Variants in NEDD4L observed in about 807,000 individuals in gnomAD.
The protein encoded by NEDD4L is NEDD4 like E3 ubiquitin protein ligase.
Under a neutral mutation model 148.9 loss-of-function variants are expected in NEDD4L, and 54 were observed. The ratio of observed to expected loss-of-function variants is 0.36; its 90% confidence interval spans 0.29 to 0.45. NEDD4L has a LOEUF of 0.45. Among genes scored for constraint, NEDD4L ranks in the 20% least tolerant of loss-of-function variants. The probability of loss-of-function intolerance (pLI) is 1.00; values close to 1 mark genes in which losing one functional copy is unlikely to be tolerated. For synonymous variants in NEDD4L, 433 were observed against 440.7 expected (o/e 0.98, Z 0.22); for missense variants, 856 against 1,233.8 (o/e 0.69, Z 4.59).
At chr18:58,077,877 G>C (rs2145038053) in intron 1 of NEDD4L, among the ~76,000 whole-genome samples, 1 of 152,258 alleles carries the variant, frequency 6.6e-6, no homozygotes, top group East Asian at 1.9e-4. Flanking sequence ...GTCTGGGATG[G>C]TTTGGTTATC....
intron 1 of NEDD4L, among the ~76,000 whole-genome samples, chr18:58,143,986 G>T (rs997321837): frequency 6.6e-6 from 1 of 152,066 alleles, no homozygotes; most frequent in Admixed American, 6.6e-5. Context: ...AACAGCAGGT[G>T]GTTCAGTTAG....
intron 2 of NEDD4L, among the ~76,000 whole-genome samples, chr18:58,178,948 A>G (rs767178174): frequency 3.9e-5 from 6 of 152,178 alleles, no homozygotes; most frequent in African/African-American, 1.2e-4. Context: ...TGGTAGAAAA[A>G]TCAAACTAGG....
chr18:58,083,423 C>T (rs1568191563), intron 1 of NEDD4L, among the ~76,000 whole-genome samples: 1 of 152,178 alleles, frequency 6.6e-6, no homozygotes, highest in African/African-American at 2.4e-5. Flanking sequence ...TGCGGTGGCT[C>T]ACGCCTGTAA....
chr18:58,117,865 C>T (rs117581332), intron 1 of NEDD4L, among the ~76,000 whole-genome samples: 3 of 152,282 alleles, frequency 2.0e-5, no homozygotes, highest in East Asian at 1.9e-4. Flanking sequence ...GAATGTTTCC[C>T]GTCTTCCTCG....
chr18:58,225,335 A>G (rs533331862), intron 2 of NEDD4L, among the ~76,000 whole-genome samples: 61 of 152,354 alleles, frequency 4.0e-4, no homozygotes, highest in Non-Finnish European at 7.9e-4. Flanking sequence ...GGTTAGGGAA[A>G]AAACCCCAGA....
rs377439399 is a variant in NEDD4L, at chr18:58,217,722, T to C, written c.123-27705T>C. Among the ~76,000 whole-genome samples, 6 of 152,316 alleles carry C rather than the reference T, an allele frequency of 3.9e-5. No individual in the cohort carries two copies. The East Asian group carries it at 1.2e-3, about 29-fold the overall frequency. The stretch of plus-strand genomic sequence containing the variant: ...GAAAAGATAAAACATAAAGCATTGA[T>C]CTACCTGTAGAGCCAAATAGCCACA... On this transcript the variant is annotated intron_variant, in intron 2 of 30. Coordinates refer to ENST00000400345, the MANE Select transcript of NEDD4L (RefSeq NM_001144967.3).
intron 6 of NEDD4L, among the ~76,000 whole-genome samples, chr18:58,321,065 A>G (rs1468469734): frequency 6.6e-6 from 1 of 152,232 alleles, no homozygotes; most frequent in East Asian, 1.9e-4. Flanking sequence ...TGCTTACGTG[A>G]GTACCTACTT....
chr18:58,078,689 C>T (rs2083290539), intron 1 of NEDD4L, among the ~76,000 whole-genome samples: 1 of 152,154 alleles, frequency 6.6e-6, no homozygotes, highest in South Asian at 2.1e-4. Flanking sequence ...AGAAAGCTTA[C>T]AGAAATAAAG....
intron 1 of NEDD4L, chr18:58,045,772 C>A (rs1412496082): frequency 1.3e-5 from 2 of 152,210 alleles, no homozygotes; most frequent in Non-Finnish European, 2.9e-5. Context: ...ACCCAAGAAG[C>A]ATTACTCAGC....
In NEDD4L at chr18:58,256,267, G is replaced by C. The variant is rs2048545810; in HGVS notation, c.297+4213G>C. ...TGCGCCAGGTGAGGCTGCTGCCCCTGGGCCCCGATGGCCAGGGCGGCCCGG... is the reference window on the plus strand; with the variant it reads ...TGCGCCAGGTGAGGCTGCTGCCCCTCGGCCCCGATGGCCAGGGCGGCCCGG... On this transcript the variant is annotated intron_variant, in intron 5 of 30. Coordinates refer to ENST00000400345, the MANE Select transcript of NEDD4L (RefSeq NM_001144967.3). The surrounding 1 kb of genome is among the most constrained non-coding windows in gnomAD (Gnocchi z 5.2). The C allele has an allele frequency of 5.1e-5, 63 of 1,231,108 alleles. No homozygotes were observed. The highest frequency in any genetic ancestry group is 6.4e-5 in the Non-Finnish European group (63 of 987,546). The allele number at this position is 1,231,108 out of a possible 1,614,324, so 76.3% of individuals were successfully genotyped here. A position where few individuals can be genotyped will look rare whatever the true frequency, so the allele number is the denominator to read the frequency against.
intron 1 of NEDD4L, among the ~76,000 whole-genome samples, chr18:58,152,563 G>A (rs973335064): frequency 4.6e-5 from 7 of 152,180 alleles, no homozygotes; most frequent in African/African-American, 1.4e-4. Flanking sequence ...CTTTCATTCC[G>A]TGATACTTGT....
intron 25 of NEDD4L, among the ~76,000 whole-genome samples, chr18:58,385,212 ACATTTTAAAGCAGTTAAAGCATTTAAAG>A (rs2048848005): frequency 1.3e-5 from 2 of 152,186 alleles, no homozygotes; most frequent in South Asian, 4.1e-4. Context: ...CCATGTTGTC[ACATTTTAAAGCAGTTAAAGCATTTAAAG>A]CATTTTAAAG....
chr18:58,376,852 C>G (rs569662403), intron 24 of NEDD4L, among the ~76,000 whole-genome samples: 221 of 152,306 alleles, frequency 1.5e-3, no homozygotes, highest in Middle Eastern at 6.8e-3. Context: ...AATCACAGGC[C>G]CCACTGGGCT....
At chr18:58,130,704 C>T (rs1294660001) in intron 1 of NEDD4L, among the ~76,000 whole-genome samples, 4 of 106,276 alleles carry the variant, frequency 3.8e-5, no homozygotes, top group South Asian at 6.9e-4. Context: ...TGGGGTTTGG[C>T]TGTGATCTAG....
intron 1 of NEDD4L, among the ~76,000 whole-genome samples, chr18:58,123,299 G>A (rs1056564223): frequency 3.9e-5 from 6 of 152,174 alleles, no homozygotes; most frequent in Admixed American, 1.3e-4. Flanking sequence ...TTTAGATCTC[G>A]TCCAGGTTAG....
At chr18:58,375,000 C>T (rs974935009) in intron 24 of NEDD4L, among the ~76,000 whole-genome samples, 2 of 152,172 alleles carry the variant, frequency 1.3e-5, no homozygotes, top group African/African-American at 2.4e-5. Context: ...GAGAGGCTCA[C>T]GGGTCCCAGT....
At chr18:58,083,602 G>A (rs1218676517) in intron 1 of NEDD4L, among the ~76,000 whole-genome samples, 1 of 152,150 alleles carries the variant, frequency 6.6e-6, no homozygotes, top group East Asian at 1.9e-4. Context: ...GCAGGAGAAT[G>A]GCATGAACTC....
chr18:58,388,973 C>T (rs865857584), intron 27 of NEDD4L, 112 bp from the exon 28 acceptor site: 62 of 810,122 alleles, frequency 7.7e-5, no homozygotes, highest in Middle Eastern at 4.6e-4. Flanking sequence ...GATTTGCTAG[C>T]TTACCTTCGC....
intron 2 of NEDD4L, among the ~76,000 whole-genome samples, chr18:58,216,120 G>A (rs147642879): frequency 2.0e-5 from 3 of 152,066 alleles, no homozygotes; most frequent in Non-Finnish European, 4.4e-5. Flanking sequence ...ACTAGTTTAT[G>A]TTGCAATCAG....
Sources: gnomAD v4.1 joint callset for allele counts (sites outside exome capture counted in the v4.1 genomes callset) on GRCh38, gnomAD v4.1.1 for gene constraint, Gnocchi (gnomAD v3.1) non-coding constraint, MANE v1.5 for transcripts, NCBI Gene and HGNC (gene_info 2026-07-23, HGNC 2026-07-21) for gene names.